Variants in FLT1 observed in about 807,000 individuals in gnomAD.
The protein encoded by FLT1 is vascular endothelial growth factor receptor 1.
Under a neutral mutation model 156.3 loss-of-function variants are expected in FLT1, and 49 were observed. The ratio of observed to expected loss-of-function variants is 0.31; its 90% confidence interval spans 0.25 to 0.40. The LOEUF (loss-of-function observed/expected upper bound fraction) is 0.40, where lower values mean the gene tolerates loss of function less well. Among genes scored for constraint, FLT1 ranks in the 10% least tolerant of loss-of-function variants. FLT1 has a pLI of 1.00. For missense variants in FLT1, 1,322 were observed against 1,637.2 expected, an observed-to-expected ratio of 0.81 and a Z score of 3.32; for synonymous variants, 594 against 583.8, an observed-to-expected ratio of 1.02 and a Z score of -0.25.
intron 10 of FLT1, among the ~76,000 whole-genome samples, chr13:28,419,752 G>T (rs1195412740): frequency 6.6e-6 from 1 of 152,178 alleles, no homozygotes; most frequent in South Asian, 2.1e-4. Flanking sequence ...TGTGGCACGC[G>T]CCTGTAGTCC....
At chr13:28,397,120 A>G (rs1360881887) in intron 11 of FLT1, 52 bp from the exon 12 acceptor site, 4 of 1,021,876 alleles carry the variant, frequency 3.9e-6, no homozygotes, top group Non-Finnish European at 6.2e-6. Context: ...AACTAATTGA[A>G]CACCCCAAGC....
At chr13:28,339,841 C>T (rs940497865) in intron 16 of FLT1, among the ~76,000 whole-genome samples, 2 of 152,184 alleles carry the variant, frequency 1.3e-5, no homozygotes, top group Non-Finnish European at 2.9e-5. Flanking sequence ...TTCAGAAGGC[C>T]TGACCTCTTA....
intron 1 of FLT1, among the ~76,000 whole-genome samples, chr13:28,490,692 C>A (rs1036128667): frequency 1.3e-5 from 2 of 152,152 alleles, no homozygotes; most frequent in East Asian, 3.9e-4. Flanking sequence ...TTCGGTTCTA[C>A]CAAATTGCTT....
At chr13:28,387,323 C>G (rs929875076) in intron 13 of FLT1, 1 of 1,045,988 alleles carries the variant, frequency 9.6e-7, no homozygotes, top group African/African-American at 1.7e-5. Flanking sequence ...CCAATCAACC[C>G]AAGAATCATA....
In FLT1 at chr13:28,319,529, T is replaced by A. The variant is rs1252992171; in HGVS notation, c.3180A>T (p.Arg1060=). ...CAGGAGCCATCCATTTCAGAGGAAG[T>A]CGAGTCTAGAAGAGGGCAAGGGGGC... ...NPDYVRKGDT[R]LPLKWMAPES... Residue 1060 remains arginine (R), a synonymous_variant, in exon 24 of 30, where the codon CGA becomes CGT. Coordinates refer to ENST00000282397, the MANE Select transcript of FLT1 (RefSeq NM_002019.4). 1 of 1,610,426 alleles carries A rather than the reference T, an allele frequency of 6.2e-7. No individual in the cohort carries two copies. Among genetic ancestry groups the A allele is most frequent in the South Asian group, 1.1e-5 (1 of 90,852 alleles).
At chr13:28,451,667 C>T (rs1025820897) in intron 3 of FLT1, among the ~76,000 whole-genome samples, 1 of 152,026 alleles carries the variant, frequency 6.6e-6, no homozygotes, top group Non-Finnish European at 1.5e-5. Flanking sequence ...TGAGGGGAGG[C>T]AGGAGTCAGG....
intron 15 of FLT1, among the ~76,000 whole-genome samples, chr13:28,351,670 T>A (rs1872737926): frequency 6.6e-6 from 1 of 152,236 alleles, no homozygotes; most frequent in Non-Finnish European, 1.5e-5. Context: ...AAGTACATTT[T>A]CAAGAGTACT....
At chr13:28,372,065 TATATA>T (rs1309001961) in intron 14 of FLT1, among the ~76,000 whole-genome samples, 36 of 25,586 alleles carry the variant, frequency 1.4e-3, no homozygotes, top group Non-Finnish European at 3.3e-3. Context: ...TATATATATA[TATATA>T]TATATATTTT....
intron 3 of FLT1, among the ~76,000 whole-genome samples, chr13:28,450,115 G>A (rs778601580): frequency 3.3e-5 from 5 of 152,176 alleles, no homozygotes; most frequent in African/African-American, 4.8e-5. Context: ...AAATCAGGAC[G>A]TATTATGTAC....
At chr13:28,455,165 T>C (rs980550002) in intron 3 of FLT1, among the ~76,000 whole-genome samples, 8 of 152,126 alleles carry the variant, frequency 5.3e-5, no homozygotes, top group African/African-American at 1.9e-4. Context: ...AAAGTTTATA[T>C]GGAGAGGCAA....
intron 8 of FLT1, among the ~76,000 whole-genome samples, chr13:28,429,561 C>T (rs996951545): frequency 6.6e-6 from 1 of 152,020 alleles, no homozygotes; most frequent in African/African-American, 2.4e-5. Flanking sequence ...CCCCATCGTC[C>T]CCCTCTTCAA....
At chr13:28,466,074 C>G (rs1488053748) in intron 3 of FLT1, among the ~76,000 whole-genome samples, 2 of 151,888 alleles carry the variant, frequency 1.3e-5, no homozygotes, top group Non-Finnish European at 2.9e-5. Context: ...TGTGTGTGTG[C>G]GTTTTTTTCT....
intron 16 of FLT1, among the ~76,000 whole-genome samples, chr13:28,343,353 T>G (rs1253936333): frequency 5.9e-5 from 9 of 151,352 alleles, no homozygotes; most frequent in Non-Finnish European, 1.2e-4. Context: ...CAGACAGGAG[T>G]GCAATGGGGT....
In FLT1 at chr13:28,323,045, CGTTTCACT is replaced by C. The variant is rs1871533920; in HGVS notation, c.2797-107_2797-100del. On this transcript the variant is annotated intron_variant, in intron 20 of 29. Transcript: ENST00000282397. ...GCAATCGCCTGATGAGAAATGAGAG[CGTTTCACT>C]TCTCAAAATGGATCGTGAACTAGCA... 3.2e-6 allele frequency: 4 copies of C among 1,268,092 alleles called. No individual in the cohort carries two copies. The African/African-American group carries it at 4.4e-5, about 14-fold the overall frequency. The allele number at this position is 1,268,092 out of a possible 1,614,324, so 78.6% of individuals were successfully genotyped here. A position where few individuals can be genotyped will look rare whatever the true frequency, so the allele number is the denominator to read the frequency against.
intron 27 of FLT1, among the ~76,000 whole-genome samples, chr13:28,310,929 C>A (rs1270937095): frequency 6.6e-6 from 1 of 152,134 alleles, no homozygotes; most frequent in Non-Finnish European, 1.5e-5. Flanking sequence ...TTATGGAAAT[C>A]TGACTATTAG....
At chr13:28,454,492 G>T (rs891690852) in intron 3 of FLT1, among the ~76,000 whole-genome samples, 3 of 152,114 alleles carry the variant, frequency 2.0e-5, no homozygotes, top group East Asian at 3.9e-4. Flanking sequence ...TGCCATCTCT[G>T]CCATACACTA....
intron 10 of FLT1, among the ~76,000 whole-genome samples, chr13:28,422,328 G>A (rs1024009450): frequency 6.6e-6 from 1 of 152,078 alleles, no homozygotes; most frequent in Non-Finnish European, 1.5e-5. Flanking sequence ...TCCCATGAGT[G>A]GGGAATAACT....
intron 15 of FLT1, among the ~76,000 whole-genome samples, chr13:28,349,004 AT>A (rs1447975116): frequency 6.6e-6 from 1 of 152,150 alleles, no homozygotes; most frequent in African/African-American, 2.4e-5. Flanking sequence ...TGTTGCAGAT[AT>A]GTTCTAGGTG....
intron 6 of FLT1, among the ~76,000 whole-genome samples, chr13:28,433,051 T>C (rs1438368403): frequency 1.3e-5 from 2 of 152,204 alleles, no homozygotes; most frequent in Non-Finnish European, 2.9e-5. Context: ...TAATCTTTCA[T>C]ACATAATTTA....
Sources: allele counts gnomAD v4.1 joint callset (sites outside exome capture counted in the v4.1 genomes callset), GRCh38; gene constraint gnomAD v4.1.1; transcripts MANE v1.5; gene names NCBI Gene and HGNC (gene_info 2026-07-23, HGNC 2026-07-21).